The following SPOCK2 variants were observed in gnomAD, a reference collection of about 807,000 sequenced individuals.
SPOCK2 encodes the protein testican-2.
In SPOCK2, 39 loss-of-function variants were observed where a neutral mutation model predicts 60.1. The observed-to-expected ratio is 0.65, with a 90% confidence interval of 0.50 to 0.85. The LOEUF is 0.85. Ranked by LOEUF, SPOCK2 falls within the 40% of genes least tolerant of loss-of-function variation. The pLI is 0.00. For synonymous variants in SPOCK2, 217 were observed against 231.5 expected (o/e 0.94, Z 0.57); for missense variants, 523 against 567.4 (o/e 0.92, Z 0.80).
intron 1 of SPOCK2, among the ~76,000 whole-genome samples, chr10:72,082,167 G>C (rs1442942526): frequency 6.6e-6 from 1 of 152,190 alleles, no homozygotes; most frequent in Non-Finnish European, 1.5e-5. Context: ...ATGAGTTATG[G>C]CCAATAAATG....
chr10:72,082,853 C>CAAAAAAAAAAAAAAAAAAA (rs770751183), intron 1 of SPOCK2, among the ~76,000 whole-genome samples: 1 of 46,014 alleles, frequency 2.2e-5, no homozygotes, highest in Non-Finnish European at 3.8e-5. Flanking sequence ...GACCCTGTCT[C>CAAAAAAAAAAAAAAAAAAA]AAAAAAAAAA....
chr10:72,063,250 CA>C, intron 9 of SPOCK2, 88 bp from the exon 10 acceptor site: 1 of 1,520,650 alleles, frequency 6.6e-7, no homozygotes, highest in Non-Finnish European at 8.8e-7. Flanking sequence ...CATGCATGAG[CA>C]GAAGTCTATA....
In SPOCK2 at chr10:72,063,104, C is replaced by G; in HGVS notation, c.1050G>C (p.Gln350His). The stretch of plus-strand genomic sequence containing the variant: ...CCACACACCAGCAGTCACCGCTGCT[C>G]TGGTCACACTGCATCTTCCGGTAGT... ...DGYYRKMQCD[Q>H]SSGDCWCVDQ... is the part of the protein sequence containing the mutation. The change falls in exon 10 of 11, where the codon CAG becomes CAC. Residue 350 changes from glutamine to histidine, a missense_variant. Gln to His is a conservative substitution (Grantham distance 24). Coordinates refer to ENST00000373109, the MANE Select transcript of SPOCK2 (RefSeq NM_001244950.2). The G allele has an allele frequency of 1.3e-6, 2 of 1,555,638 alleles. No individual in the cohort carries two copies. Among genetic ancestry groups the G allele is most frequent in the Non-Finnish European group, 1.7e-6 (2 of 1,149,194 alleles).
intron 4 of SPOCK2, among the ~76,000 whole-genome samples, chr10:72,071,101 G>T (rs1840641148): frequency 6.6e-6 from 1 of 152,164 alleles, no homozygotes; most frequent in African/African-American, 2.4e-5. Context: ...GGAAAGAAGG[G>T]AGGGAACTGG....
intron 9 of SPOCK2, 101 bp from the exon 10 acceptor site, chr10:72,063,263 A>C: frequency 1.4e-6 from 2 of 1,477,962 alleles, no homozygotes; most frequent in Non-Finnish European, 1.8e-6. Context: ...AAGTCTATAC[A>C]CCCCCAGAGC....
intron 4 of SPOCK2, among the ~76,000 whole-genome samples, chr10:72,071,315 G>C (rs976566947): frequency 6.6e-6 from 1 of 151,964 alleles, no homozygotes; most frequent in Non-Finnish European, 1.5e-5. Flanking sequence ...TCAGCCACAC[G>C]AGTATCTGGG....
chr10:72,088,574 C>T (rs775481666), upstream of SPOCK2: 115 of 457,040 alleles, frequency 2.5e-4, no homozygotes, highest in Non-Finnish European at 4.0e-4. Flanking sequence ...CCAGCAGGGG[C>T]TGTAACTGTA....
chr10:72,063,143 G>A lies in SPOCK2; in HGVS notation c.1011C>T (p.Cys337=), dbSNP rs1012382270. The A allele has an allele frequency of 1.9e-6, 3 of 1,556,870 alleles. No individual in the cohort carries two copies. The highest frequency in any genetic ancestry group is 2.4e-5 in the East Asian group (1 of 41,246). ...TCTTCCGGTAGTAGCCATCCTCGTC[G>A]CAGCTCGGGATGAAGATGCCTGAAT... ...KKKPGIFIPS[C]DEDGYYRKMQ... The change falls in exon 10 of 11, where the codon TGC becomes TGT. Residue 337 remains cysteine, a synonymous_variant. Coordinates refer to ENST00000373109, the MANE Select transcript of SPOCK2 (RefSeq NM_001244950.2).
chr10:72,075,294 C>G (rs1430124113), intron 1 of SPOCK2, among the ~76,000 whole-genome samples: 1 of 152,116 alleles, frequency 6.6e-6, no homozygotes, highest in Non-Finnish European at 1.5e-5. Context: ...GGGGTGGGGA[C>G]AAGGCTGTGC....
rs192831818 is a variant in SPOCK2 at position 72,073,679 on chromosome 10, A to G, written c.190-769T>C. Among the ~76,000 whole-genome samples, 7 of 152,310 alleles carry G rather than the reference A, an allele frequency of 4.6e-5. No individual in the cohort carries two copies. In the East Asian group the frequency reaches 1.2e-3, roughly 25 times the overall value. On this transcript the variant is annotated intron_variant, in intron 1 of 10. Coordinates refer to ENST00000373109, the MANE Select transcript of SPOCK2 (RefSeq NM_001244950.2). The stretch of plus-strand genomic sequence containing the variant: ...CCCAGCACAGACCACTTTTCTTGCT[A>G]CAACACACTCTCTGAGGCCTAAGGC...
At position 72,071,541 on chromosome 10, in the gene SPOCK2, A is replaced by G. The variant is rs185377897; in HGVS notation, c.359+603T>C. Reference sequence around the variant, plus strand: ...CACTCCTTTCTCCTCTGCAAGCTACAACCTCTCACAAGCTACCACCTTAAA... The same window carrying G: ...CACTCCTTTCTCCTCTGCAAGCTACGACCTCTCACAAGCTACCACCTTAAA... On this transcript the variant is annotated intron_variant, in intron 4 of 10. Coordinates refer to ENST00000373109, the MANE Select transcript of SPOCK2 (RefSeq NM_001244950.2). Among the ~76,000 whole-genome samples the G allele has an allele frequency of 7.9e-5, 12 of 152,302 alleles. No individual in the cohort carries two copies. The East Asian group carries it at 9.7e-4, about 12-fold the overall frequency.
At chr10:72,074,425 C>A (rs761198283) in intron 1 of SPOCK2, among the ~76,000 whole-genome samples, 5 of 152,122 alleles carry the variant, frequency 3.3e-5, no homozygotes, top group Non-Finnish European at 4.4e-5. Context: ...TGCACCCATG[C>A]ACACTCACAG....
chr10:72,080,952 C>T (rs1318639106), intron 1 of SPOCK2, among the ~76,000 whole-genome samples: 1 of 152,030 alleles, frequency 6.6e-6, no homozygotes, highest in African/African-American at 2.4e-5. Flanking sequence ...CCCAATAGTC[C>T]ATAAAGGGCA....
rs1840748468 is a variant in SPOCK2, at chr10:72,078,759, A to G, written c.190-5849T>C. ...CACATCAGCCCCAGAATTTCTACTC[A>G]TCTCCCAAAACCCAGCTCAGCCATC... is the stretch of plus-strand genomic sequence containing the variant. On this transcript the variant is annotated intron_variant, in intron 1 of 10. Coordinates refer to ENST00000373109, the MANE Select transcript of SPOCK2 (RefSeq NM_001244950.2). Among the ~76,000 whole-genome samples the G allele has an allele frequency of 2.0e-5, 3 of 151,870 alleles. No homozygotes were observed. The South Asian group carries it at 6.2e-4, about 32-fold the overall frequency.
rs1373309171 is a variant in SPOCK2, at chr10:72,068,464, G to A, written c.475-163C>T. 2.0e-5 allele frequency among the ~76,000 whole-genome samples: 3 copies of A among 152,310 alleles called. No individual in the cohort carries two copies. The East Asian group carries it at 5.8e-4, about 29-fold the overall frequency. The stretch of plus-strand genomic sequence containing the variant: ...TCTTGGTTCCTCTGCAGACTGAGGT[G>A]CACGGTGGAGAGAAGCAGGGCCCGG... On this transcript the variant is annotated intron_variant, in intron 5 of 10. Coordinates refer to ENST00000373109, the MANE Select transcript of SPOCK2 (RefSeq NM_001244950.2).
intron 8 of SPOCK2, among the ~76,000 whole-genome samples, chr10:72,064,690 T>C (rs1240312621): frequency 1.3e-5 from 2 of 152,220 alleles, no homozygotes; most frequent in Non-Finnish European, 2.9e-5. Flanking sequence ...CTATTTTTAC[T>C]GTACCTTTTC....
In SPOCK2 at chr10:72,070,420, C is replaced by A; in HGVS notation, c.366G>T (p.Lys122Asn). 1 of 1,614,068 alleles carries A rather than the reference C, an allele frequency of 6.2e-7. No individual in the cohort carries two copies. The highest frequency in any genetic ancestry group is 8.5e-7 in the Non-Finnish European group (1 of 1,179,956). Residue 122 changes from lysine to asparagine, a missense_variant, in exon 5 of 11, where the codon AAG (lysine) becomes AAT (asparagine). By Grantham distance (94) the Lys-to-Asn change is moderately conservative (BLOSUM62 0). Transcript: ENST00000373109. ...ISRKKLEHRI[K>N]QPTVKLHGNK... ...TTCCATGGAGTTTCACGGTCGGCTG[C>A]TTGATCCTACAGGAGAGGGTGGGGG...
At chr10:72,071,843 A>G (rs1564547916) in intron 4 of SPOCK2, among the ~76,000 whole-genome samples, 1 of 151,964 alleles carries the variant, frequency 6.6e-6, no homozygotes, top group Non-Finnish European at 1.5e-5. Flanking sequence ...TCCCACCAAG[A>G]GCATAAGAGT....
chr10:72,071,622 T>C (rs1369633942), intron 4 of SPOCK2, among the ~76,000 whole-genome samples: 1 of 152,232 alleles, frequency 6.6e-6, no homozygotes, highest in Non-Finnish European at 1.5e-5. Flanking sequence ...TTATATGGTC[T>C]AACCTATTTG....
Sources: gnomAD v4.1 joint callset for allele counts (sites outside exome capture counted in the v4.1 genomes callset) on GRCh38, gnomAD v4.1.1 for gene constraint, MANE v1.5 for transcripts, NCBI Gene and HGNC (gene_info 2026-07-23, HGNC 2026-07-21) for gene names.